DSCAM: variants seen among roughly 807,000 people sequenced by gnomAD.
DSCAM encodes the protein DS cell adhesion molecule, also known as cell adhesion molecule DSCAM.
Under a neutral mutation model 217.7 loss-of-function variants are expected in DSCAM, and 47 were observed. The observed-to-expected ratio is 0.22, with a 90% confidence interval of 0.17 to 0.28. The LOEUF (loss-of-function observed/expected upper bound fraction) is 0.28. DSCAM is among the 10% of genes least tolerant of loss of function. The probability of loss-of-function intolerance (pLI) is 1.00; values close to 1 mark genes in which losing one functional copy is unlikely to be tolerated. For missense variants in DSCAM, 2,080 were observed against 2,618.3 expected (o/e 0.79, Z 4.49); for synonymous variants, 1,056 against 1,015.3 (o/e 1.04, Z -0.76).
rs67361149 is a variant in DSCAM, at chr21:40,642,042, C to CAAA, written c.508+50765_508+50767dup. On this transcript the variant is annotated intron_variant, in intron 3 of 32. Coordinates refer to ENST00000400454, the MANE Select transcript of DSCAM (RefSeq NM_001389.5). ...TGCCTGGGTGACAGAGACTCTGTCTCAAAAAAAAAAAAAAAAACAAAGATT... is the reference window on the plus strand; with the variant it reads ...TGCCTGGGTGACAGAGACTCTGTCTCAAAAAAAAAAAAAAAAAAAACAAAGATT... 1.6e-4 allele frequency among the ~76,000 whole-genome samples: 14 copies of CAAA among 89,194 alleles called. No homozygotes were observed. In the South Asian group the frequency reaches 2.0e-3, roughly 13 times the overall value. The allele number at this position is 89,194 out of a possible 152,430, so 58.5% of individuals were successfully genotyped here.
chr21:40,282,452 G>T (rs563900049), intron 10 of DSCAM, among the ~76,000 whole-genome samples: 2 of 151,462 alleles, frequency 1.3e-5, no homozygotes, highest in Non-Finnish European at 3.0e-5. Flanking sequence ...TTAGCCGGGC[G>T]TGGTAGCGGG....
At chr21:40,835,186 A>G (rs570848484) in intron 1 of DSCAM, among the ~76,000 whole-genome samples, 3 of 152,288 alleles carry the variant, frequency 2.0e-5, no homozygotes, top group East Asian at 3.9e-4. Flanking sequence ...ACAATTACTC[A>G]TGAGTCTAAC....
Position 40,189,120 on chromosome 21 carries a change from G to A in DSCAM, c.2475C>T (p.Asp825=), listed in dbSNP as rs377420985. Residue 825 remains aspartate, a synonymous_variant, in exon 12 of 33, where the codon GAC becomes GAT. Coordinates refer to ENST00000400454, the MANE Select transcript of DSCAM (RefSeq NM_001389.5). ...KPIIVRWEKE[D]RIINPEMARY... is the part of the protein sequence containing the mutation. The stretch of plus-strand genomic sequence containing the variant: ...GGGCCATCTCAGGGTTAATGATTCG[G>A]TCCTCCTTCTCCCAGCGGACTATAA... 1.6e-4 allele frequency: 254 copies of A among 1,613,976 alleles called. No homozygotes were observed. The highest frequency in any genetic ancestry group is 2.0e-4 in the Non-Finnish European group (240 of 1,180,024).
intron 1 of DSCAM, among the ~76,000 whole-genome samples, chr21:40,838,241 A>G (rs1473741395): frequency 6.6e-6 from 1 of 152,240 alleles, no homozygotes; most frequent in East Asian, 1.9e-4. Context: ...CATGCTTATG[A>G]GAAGAATCAA....
intron 3 of DSCAM, among the ~76,000 whole-genome samples, chr21:40,435,094 T>C (rs2075571029): frequency 6.6e-6 from 1 of 152,218 alleles, no homozygotes. Context: ...AGATCTCTCC[T>C]TAGGCAGGAG....
At chr21:40,323,934 T>C (rs931241986) in intron 8 of DSCAM, among the ~76,000 whole-genome samples, 1 of 151,656 alleles carries the variant, frequency 6.6e-6, no homozygotes, top group Non-Finnish European at 1.5e-5. Context: ...TGAAACCCCA[T>C]CTCTGCTAAA....
intron 1 of DSCAM, among the ~76,000 whole-genome samples, chr21:40,766,692 CTTT>C (rs1197034537): frequency 1.9e-4 from 18 of 92,600 alleles, no homozygotes; most frequent in Non-Finnish European, 3.2e-4. Flanking sequence ...AAAAAAACAA[CTTT>C]TTTTTTTTTT....
chr21:40,792,510 C>G (rs562679609), intron 1 of DSCAM, among the ~76,000 whole-genome samples: 1 of 152,304 alleles, frequency 6.6e-6, no homozygotes, highest in East Asian at 1.9e-4. Context: ...TTTAAAGATC[C>G]TATCTCCAAA....
intron 4 of DSCAM, among the ~76,000 whole-genome samples, chr21:40,365,066 T>C (rs1196312048): frequency 1.3e-5 from 2 of 151,324 alleles, no homozygotes; most frequent in African/African-American, 4.8e-5. Flanking sequence ...CTATAATATA[T>C]AATATATAAA....
rs1555858761 is a variant in DSCAM, at chr21:40,012,907, C to CTCT, written c.*126_*127insAGA. ...ACTGTCTGTGGTTTCAGTATTTTCT[C>CTCT]TTTTTTTTTTTTAATATATTTTGGC... is the stretch of plus-strand genomic sequence containing the variant. On this transcript the variant is annotated 3_prime_UTR_variant, in exon 33 of 33. Coordinates refer to ENST00000400454, the MANE Select transcript of DSCAM (RefSeq NM_001389.5). 29 of 553,358 alleles carry CTCT rather than the reference C, an allele frequency of 5.2e-5. No homozygotes were observed. Among genetic ancestry groups the CTCT allele is most frequent in the Non-Finnish European group, 6.2e-5 (23 of 370,064 alleles). The allele number at this position is 553,358 out of a possible 1,614,324, so 34.3% of individuals were successfully genotyped here.
At chr21:40,260,422 C>T (rs1420518975) in intron 11 of DSCAM, among the ~76,000 whole-genome samples, 3 of 152,222 alleles carry the variant, frequency 2.0e-5, no homozygotes, top group Non-Finnish European at 4.4e-5. Flanking sequence ...GATGGTGGGT[C>T]ACTGCCCTGT....
chr21:40,254,482 C>T (rs537315043), intron 11 of DSCAM, among the ~76,000 whole-genome samples: 7 of 152,304 alleles, frequency 4.6e-5, no homozygotes, highest in East Asian at 1.9e-4. Flanking sequence ...GTTGGCAATA[C>T]GAATGCATCT....
chr21:40,776,497 T>C (rs1404924182), intron 1 of DSCAM, among the ~76,000 whole-genome samples: 2 of 152,070 alleles, frequency 1.3e-5, no homozygotes, highest in African/African-American at 4.8e-5. Context: ...AGAGGGTAAA[T>C]TGATCTATTA....
At chr21:40,760,848 C>G (rs1329481678) in intron 1 of DSCAM, among the ~76,000 whole-genome samples, 2 of 152,210 alleles carry the variant, frequency 1.3e-5, no homozygotes, top group Non-Finnish European at 2.9e-5. Flanking sequence ...TCTAATACAT[C>G]CCTACCTTCC....
In DSCAM at chr21:40,126,452, C is replaced by T. The variant is rs548573238; in HGVS notation, c.3563-2124G>A. Among the ~76,000 whole-genome samples, 26 of 152,018 alleles carry T rather than the reference C, an allele frequency of 1.7e-4. No individual in the cohort carries two copies. The South Asian group carries it at 5.0e-3, about 29-fold the overall frequency. ...GATTTGTCCCAATTTGCAAACAGATCGTTGGTAAATGGTCACATGCTCTTA... is the reference window on the plus strand; with the variant it reads ...GATTTGTCCCAATTTGCAAACAGATTGTTGGTAAATGGTCACATGCTCTTA... On this transcript the variant is annotated intron_variant, in intron 19 of 32. Transcript: ENST00000400454.
In DSCAM at chr21:40,507,436, G is replaced by A. The variant is rs145713326; in HGVS notation, c.509-138191C>T. Among the ~76,000 whole-genome samples the A allele has an allele frequency of 2.4e-3, 367 of 152,208 alleles. 2 individuals carry two copies. The highest frequency in any genetic ancestry group is 8.4e-3 in the African/African-American group (350 of 41,526). The stretch of plus-strand genomic sequence containing the variant: ...GCATTTACAACTTTACATACACACT[G>A]CTGTATTTCTATAGCAGGCAAATCA... On this transcript the variant is annotated intron_variant, in intron 3 of 32. Coordinates refer to ENST00000400454, the MANE Select transcript of DSCAM (RefSeq NM_001389.5).
intron 3 of DSCAM, among the ~76,000 whole-genome samples, chr21:40,412,975 C>T (rs2075337212): frequency 6.6e-6 from 1 of 152,240 alleles, no homozygotes; most frequent in Admixed American, 6.5e-5. Context: ...CAACATAGAG[C>T]TCAGGCTGTG....
intron 3 of DSCAM, among the ~76,000 whole-genome samples, chr21:40,674,951 C>A (rs1175427511): frequency 6.6e-6 from 1 of 152,082 alleles, no homozygotes; most frequent in Non-Finnish European, 1.5e-5. Context: ...AGCTAACTGT[C>A]AGTTAATATT....
At chr21:40,272,142 A>C (rs1161975823) in intron 11 of DSCAM, among the ~76,000 whole-genome samples, 1 of 151,532 alleles carries the variant, frequency 6.6e-6, no homozygotes, top group Non-Finnish European at 1.5e-5. Context: ...GGGAAGGGGC[A>C]CATAAGTGGC....
Sources: gnomAD v4.1 joint callset for allele counts (sites outside exome capture counted in the v4.1 genomes callset) on GRCh38, gnomAD v4.1.1 for gene constraint, MANE v1.5 for transcripts, NCBI Gene and HGNC (gene_info 2026-07-23, HGNC 2026-07-21) for gene names.